Variants in B4GALT6 observed in about 807,000 individuals in gnomAD.
B4GALT6 encodes UDP-Gal:beta-GlcNAc beta-1,4-galactosyltransferase 6.
Under a neutral mutation model 46.3 loss-of-function variants are expected in B4GALT6, and 14 were observed. The ratio of observed to expected loss-of-function variants is 0.30; its 90% confidence interval spans 0.20 to 0.47. B4GALT6 has a LOEUF of 0.47. Among genes scored for constraint, B4GALT6 ranks in the 20% least tolerant of loss-of-function variants. The pLI, the probability that B4GALT6 is intolerant of heterozygous loss-of-function variation, is 0.99. For synonymous variants in B4GALT6, 168 were observed against 162.0 expected, an observed-to-expected ratio of 1.04 and a Z score of -0.28; for missense variants, 386 against 480.1, an observed-to-expected ratio of 0.80 and a Z score of 1.83.
intron 5 of B4GALT6, among the ~76,000 whole-genome samples, chr18:31,638,408 T>A (rs1459532511): frequency 1.3e-5 from 2 of 152,046 alleles, no homozygotes; most frequent in Admixed American, 6.5e-5. Context: ...GTGCCTGTAG[T>A]CCCAGCTACT....
At chr18:31,717,129 A>C in the B4GALT6 span, among the ~76,000 whole-genome samples, 5 of 152,070 alleles carry the variant, frequency 3.3e-5, no homozygotes, top group African/African-American at 1.2e-4. Flanking sequence ...AAAGAAAGAA[A>C]TGTTTATAGC....
chr18:31,675,113 G>A (rs189792980), intron 1 of B4GALT6, among the ~76,000 whole-genome samples: 1 of 152,176 alleles, frequency 6.6e-6, no homozygotes, highest in Admixed American at 6.5e-5. Context: ...CTTTGCAGAT[G>A]CAAATACTAA....
At chr18:31,634,196 C>T (rs1032418810) in intron 5 of B4GALT6, among the ~76,000 whole-genome samples, 1 of 152,128 alleles carries the variant, frequency 6.6e-6, no homozygotes, top group Non-Finnish European at 1.5e-5. Flanking sequence ...TTTACTCAAC[C>T]CCCCGGTTTT....
chr18:31,680,547 G>T lies in B4GALT6; in HGVS notation c.115+3765C>A, dbSNP rs549785346. ...AAGTCAGACCAAAGTGGCCCAACCAGATTTCACCTCTACCCAGAGAGCAAA... is the reference window on the plus strand; with the variant it reads ...AAGTCAGACCAAAGTGGCCCAACCATATTTCACCTCTACCCAGAGAGCAAA... On this transcript the variant is annotated intron_variant, in intron 1 of 8. Coordinates refer to ENST00000306851, the MANE Select transcript of B4GALT6 (RefSeq NM_004775.5). Among the ~76,000 whole-genome samples, 23 of 152,242 alleles carry T rather than the reference G, an allele frequency of 1.5e-4. No homozygotes were observed. In the South Asian group the frequency reaches 4.8e-3, roughly 32 times the overall value.
chr18:31,639,172 G>A (rs893780807), intron 4 of B4GALT6, among the ~76,000 whole-genome samples: 1 of 152,178 alleles, frequency 6.6e-6, no homozygotes, highest in Non-Finnish European at 1.5e-5. Context: ...TAAACTAACA[G>A]GAGGATAAAG....
chr18:31,637,966 A>C (rs748692435), intron 5 of B4GALT6, among the ~76,000 whole-genome samples: 2 of 152,232 alleles, frequency 1.3e-5, no homozygotes, highest in Non-Finnish European at 2.9e-5. Context: ...GAGGTTTTCA[A>C]AAATAAACAT....
rs79393556 is a variant in B4GALT6, at chr18:31,650,293, C to T, written c.347-4814G>A. On this transcript the variant is annotated intron_variant, in intron 3 of 8. Coordinates refer to ENST00000306851, the MANE Select transcript of B4GALT6 (RefSeq NM_004775.5). Reference sequence around the variant, plus strand: ...GTCAAAGTTTCTGTGTCAGTTGAAGCTCATGGGTCACGTTTATGGCCACTG... The same window carrying T: ...GTCAAAGTTTCTGTGTCAGTTGAAGTTCATGGGTCACGTTTATGGCCACTG... Among the ~76,000 whole-genome samples, 1,455 of 152,350 alleles carry T rather than the reference C, an allele frequency of 9.6e-3. 26 individuals carry two copies. The highest frequency in any genetic ancestry group is 0.034 in the African/African-American group (1,394 of 41,568).
At chr18:31,669,862 C>T (rs1264354672) in intron 1 of B4GALT6, among the ~76,000 whole-genome samples, 2 of 152,058 alleles carry the variant, frequency 1.3e-5, no homozygotes, top group Admixed American at 6.6e-5. Context: ...ATTTGTGCTA[C>T]ACCAAACTGT....
chr18:31,643,389 C>T (rs953986806), intron 4 of B4GALT6, among the ~76,000 whole-genome samples: 4 of 152,142 alleles, frequency 2.6e-5, no homozygotes, highest in African/African-American at 9.7e-5. Context: ...GCTTCCACAT[C>T]CCAGGTTCAA....
At chr18:31,651,950 T>C (rs1297109358) in intron 3 of B4GALT6, among the ~76,000 whole-genome samples, 3 of 152,140 alleles carry the variant, frequency 2.0e-5, no homozygotes, top group African/African-American at 7.2e-5. Flanking sequence ...TTTTTTATTT[T>C]TGGTAGAGAC....
chr18:31,703,317 C>T, the B4GALT6 span, among the ~76,000 whole-genome samples: 1 of 151,810 alleles, frequency 6.6e-6, no homozygotes, highest in Admixed American at 6.6e-5. Context: ...TAGCTGGGGT[C>T]TGAGGAGAAA....
In B4GALT6 at chr18:31,644,969, G is replaced by A. The variant is rs1261607082; in HGVS notation, c.471+386C>T. Among the ~76,000 whole-genome samples, 3 of 152,190 alleles carry A rather than the reference G, an allele frequency of 2.0e-5. No individual in the cohort carries two copies. The East Asian group carries it at 5.8e-4, about 29-fold the overall frequency. On this transcript the variant is annotated intron_variant, in intron 4 of 8. Coordinates refer to ENST00000306851, the MANE Select transcript of B4GALT6 (RefSeq NM_004775.5). ...CCTCCCAGTGAGTTCTCACAATTCA[G>A]AAACTGGTGAGGCTATGCTTGCAGG...
At chr18:31,639,587 T>C (rs2073904866) in intron 4 of B4GALT6, among the ~76,000 whole-genome samples, 1 of 152,138 alleles carries the variant, frequency 6.6e-6, no homozygotes. Context: ...AGTGGTAGGA[T>C]AATATTCAGT....
At chr18:31,630,710 T>C (rs1474913881) in intron 6 of B4GALT6, among the ~76,000 whole-genome samples, 1 of 152,142 alleles carries the variant, frequency 6.6e-6, no homozygotes, top group African/African-American at 2.4e-5. Context: ...TAAATCTGTG[T>C]GTGCTTGACC....
Position 31,658,083 on chromosome 18 carries a change from G to C in B4GALT6, c.239C>G (p.Pro80Arg), listed in dbSNP as rs921680655. The C allele has an allele frequency of 3.7e-6, 6 of 1,606,398 alleles. No homozygotes were observed. The highest frequency in any genetic ancestry group is 5.1e-6 in the Non-Finnish European group (6 of 1,176,744). ...ATAATCACTTGAATTATTGCCTTCG[G>C]GATAATCTTGGAAAGAGAGAAAAGA... Reference protein sequence around the residue: ...KNSTLNGTDYPEGNNSSDYLV... With the variant: ...KNSTLNGTDYREGNNSSDYLV... The change falls in exon 3 of 9, where the codon CCC becomes CGC. Residue 80 changes from proline to arginine, a missense_variant. Coordinates refer to ENST00000306851, the MANE Select transcript of B4GALT6 (RefSeq NM_004775.5).
chr18:31,716,733 AC>A, the B4GALT6 span, among the ~76,000 whole-genome samples: 1 of 152,178 alleles, frequency 6.6e-6, no homozygotes, highest in Non-Finnish European at 1.5e-5. Context: ...TCTTGGAGGT[AC>A]CCCAAGTCAT....
chr18:31,630,215 A>G (rs1322002765), intron 6 of B4GALT6, among the ~76,000 whole-genome samples: 2 of 152,124 alleles, frequency 1.3e-5, no homozygotes, highest in Middle Eastern at 3.2e-3. Context: ...CTAGATTAGC[A>G]CCAGGCAAAA....
chr18:31,693,162 A>G, the B4GALT6 span, among the ~76,000 whole-genome samples: 1 of 152,214 alleles, frequency 6.6e-6, no homozygotes, highest in Non-Finnish European at 1.5e-5. Flanking sequence ...TTGGAAGTCA[A>G]TGCATATAAA....
chr18:31,661,900 G>T (rs1481296079), intron 2 of B4GALT6, among the ~76,000 whole-genome samples: 1 of 152,132 alleles, frequency 6.6e-6, no homozygotes, highest in Admixed American at 6.5e-5. Context: ...TTAAATAAGA[G>T]TATTTCCTTA....
Sources: allele counts gnomAD v4.1 joint callset (sites outside exome capture counted in the v4.1 genomes callset), GRCh38; gene constraint gnomAD v4.1.1; transcripts MANE v1.5; gene names NCBI Gene and HGNC (gene_info 2026-07-23, HGNC 2026-07-21).